The following KCNH5 variants were observed in gnomAD, a reference collection of about 807,000 sequenced individuals.
The protein encoded by KCNH5 is voltage-gated delayed rectifier potassium channel KCNH5.
A neutral mutation model predicts 96.1 loss-of-function variants in KCNH5; 46 were observed. The observed-to-expected ratio is 0.48, with a 90% CI of 0.38 to 0.61. The LOEUF is 0.61. Among genes scored for constraint, KCNH5 ranks in the 20% least tolerant of loss-of-function variants. The pLI is 0.00. For missense variants in KCNH5, 907 were observed against 1,225.8 expected (o/e 0.74, Z 3.88); for synonymous variants, 439 against 449.8 (o/e 0.98, Z 0.30).
At chr14:62,849,580 T>C in intron 8 of KCNH5, 73 bp downstream of exon 8, 1 of 1,206,452 alleles carries the variant, frequency 8.3e-7, no homozygotes, top group Non-Finnish European at 1.2e-6. Context: ...AAGCAATACG[T>C]GACTGGAAAA....
At chr14:62,835,406 T>C (rs776633220) in intron 8 of KCNH5, among the ~76,000 whole-genome samples, 77 of 152,056 alleles carry the variant, frequency 5.1e-4, no homozygotes, top group Non-Finnish European at 8.8e-4. Flanking sequence ...ACTGCTTTTG[T>C]CTCTTATAGG....
chr14:62,789,330 T>A (rs1417745774), intron 9 of KCNH5, among the ~76,000 whole-genome samples: 2 of 152,052 alleles, frequency 1.3e-5, no homozygotes, highest in African/African-American at 4.8e-5. Context: ...AATTCATCCA[T>A]CAATGGATAC....
In KCNH5 at chr14:62,999,655, T is replaced by C. The variant is rs201093004; in HGVS notation, c.433+1676A>G. On this transcript the variant is annotated intron_variant, in intron 4 of 10. Coordinates refer to ENST00000322893, the MANE Select transcript of KCNH5 (RefSeq NM_139318.5). ...GCATGTTCTCACTCATAGATGGGAA[T>C]TGAACAATGAGAACACATGGACACA... is the stretch of plus-strand genomic sequence containing the variant. Among the ~76,000 whole-genome samples the C allele has an allele frequency of 9.4e-3, 1,269 of 135,540 alleles. 70 individuals are homozygous for C. The East Asian group carries it at 0.15, about 16-fold the overall frequency. The allele number at this position is 135,540 out of a possible 152,430, so 88.9% of individuals were successfully genotyped here. A position where few individuals can be genotyped will look rare whatever the true frequency, so the allele number is the denominator to read the frequency against.
At chr14:62,868,733 G>T (rs750086258) in intron 7 of KCNH5, among the ~76,000 whole-genome samples, 1 of 151,990 alleles carries the variant, frequency 6.6e-6, no homozygotes, top group Non-Finnish European at 1.5e-5. Flanking sequence ...TCCCCTCCCT[G>T]TGTCCATGTG....
In KCNH5 at chr14:62,802,470, C is replaced by T. The variant is rs1483226088; in HGVS notation, c.1681G>A (p.Ala561Thr). Reference sequence around the variant, plus strand: ...ATGGTTTGGAACTCTACCGCCAAGGCGCGCAGACACCCATCGCTGGCCAAT... The same window carrying T: ...ATGGTTTGGAACTCTACCGCCAAGGTGCGCAGACACCCATCGCTGGCCAAT... ...FRLASDGCLR[A>T]LAVEFQTIHC... Residue 561 changes from alanine to threonine, a missense_variant, in exon 9 of 11, where the codon GCC (alanine) becomes ACC (threonine). By Grantham distance (58) the Ala-to-Thr change is moderately conservative (BLOSUM62 0). Around this residue, in one of 6 missense-constraint regions of KCNH5, gnomAD observed 95 missense variants for 111.8 expected, o/e 0.85. Coordinates refer to ENST00000322893, the MANE Select transcript of KCNH5 (RefSeq NM_139318.5). 4 of 1,613,994 alleles carry T rather than the reference C, an allele frequency of 2.5e-6. No individual in the cohort carries two copies. The highest frequency in any genetic ancestry group is 1.3e-5 in the African/African-American group (1 of 74,924).
intron 4 of KCNH5, 118 bp downstream of exon 4, chr14:63,001,213 A>C (rs954926181): frequency 1.8e-5 from 15 of 834,310 alleles, no homozygotes; most frequent in Non-Finnish European, 2.6e-5. Context: ...GCAATGAAGC[A>C]AAAGAAAGGC....
chr14:63,041,770 T>C (rs542267964), intron 1 of KCNH5, among the ~76,000 whole-genome samples: 80 of 152,206 alleles, frequency 5.3e-4, no homozygotes, highest in African/African-American at 1.9e-3. Context: ...AGTAACAACT[T>C]GCAATGCTCG....
At chr14:62,768,014 A>C (rs1885901489) in intron 10 of KCNH5, among the ~76,000 whole-genome samples, 1 of 152,148 alleles carries the variant, frequency 6.6e-6, no homozygotes, top group African/African-American at 2.4e-5. Flanking sequence ...ATGTGTGTAC[A>C]TGAACCTAGA....
At chr14:62,739,184 T>C (rs983980241) in intron 10 of KCNH5, among the ~76,000 whole-genome samples, 10 of 152,190 alleles carry the variant, frequency 6.6e-5, no homozygotes, top group African/African-American at 2.2e-4. Flanking sequence ...CATGCTGCCA[T>C]GCCATATTCA....
intron 10 of KCNH5, among the ~76,000 whole-genome samples, chr14:62,778,772 T>C (rs943281074): frequency 6.6e-6 from 1 of 152,224 alleles, no homozygotes; most frequent in Non-Finnish European, 1.5e-5. Context: ...GATGTTCAAG[T>C]ATAGATCAAA....
rs144131398 is a variant in KCNH5 at position 62,747,164 on chromosome 14, T to A, written c.2019+32564A>T. Among the ~76,000 whole-genome samples, 862 of 152,276 alleles carry A rather than the reference T, an allele frequency of 5.7e-3. 9 individuals carry two copies. Among genetic ancestry groups the A allele is most frequent in the African/African-American group, 0.02 (823 of 41,566 alleles). Reference sequence around the variant, plus strand: ...GCCTGGCCAACATGGTGAAGACCCATCTCTACTAAAAATACAAAAAATCAG... The same window carrying A: ...GCCTGGCCAACATGGTGAAGACCCAACTCTACTAAAAATACAAAAAATCAG... On this transcript the variant is annotated intron_variant, in intron 10 of 10. Coordinates refer to ENST00000322893, the MANE Select transcript of KCNH5 (RefSeq NM_139318.5).
At chr14:62,916,429 T>C (rs1219293865) in intron 7 of KCNH5, among the ~76,000 whole-genome samples, 1 of 152,226 alleles carries the variant, frequency 6.6e-6, no homozygotes, top group African/African-American at 2.4e-5. Context: ...GTCAAACAAT[T>C]GGCATCTTCT....
At chr14:62,829,720 T>C (rs1887303263) in intron 8 of KCNH5, among the ~76,000 whole-genome samples, 1 of 152,188 alleles carries the variant, frequency 6.6e-6, no homozygotes, top group African/African-American at 2.4e-5. Flanking sequence ...GCCCTGAAGA[T>C]CTCCGAAATT....
chr14:62,855,592 A>G (rs1176293296), intron 7 of KCNH5, among the ~76,000 whole-genome samples: 1 of 152,244 alleles, frequency 6.6e-6, no homozygotes, highest in Non-Finnish European at 1.5e-5. Context: ...CGTTAATAAC[A>G]CAGAGTGGTT....
chr14:62,718,588 G>A lies in KCNH5; in HGVS notation c.2020-10133C>T, dbSNP rs562592013. ...AGTGTCGGAAGGATGTGGAGAAACT[G>A]GAACCCTCACACATTGCTGGAAGGA... On this transcript the variant is annotated intron_variant, in intron 10 of 10. Transcript: ENST00000322893. Among the ~76,000 whole-genome samples, 5 of 152,242 alleles carry A rather than the reference G, an allele frequency of 3.3e-5. No homozygotes were observed. In the South Asian group the frequency reaches 1.0e-3, roughly 32 times the overall value.
chr14:62,770,618 G>A (rs1186023004), intron 10 of KCNH5, among the ~76,000 whole-genome samples: 2 of 152,068 alleles, frequency 1.3e-5, no homozygotes, highest in South Asian at 2.1e-4. Context: ...TCATGCCTGG[G>A]GACTTTTTTC....
At position 62,750,599 on chromosome 14, in the gene KCNH5, C is replaced by T. The variant is rs533303627; in HGVS notation, c.2019+29129G>A. On this transcript the variant is annotated intron_variant, in intron 10 of 10. Coordinates refer to ENST00000322893, the MANE Select transcript of KCNH5 (RefSeq NM_139318.5). Reference sequence around the variant, plus strand: ...TGACGTCCTCTGCAATGGATTACAGCTACTTCCTTGGGCAGCAAAACAGCA... The same window carrying T: ...TGACGTCCTCTGCAATGGATTACAGTTACTTCCTTGGGCAGCAAAACAGCA... 1.3e-4 allele frequency among the ~76,000 whole-genome samples: 20 copies of T among 152,274 alleles called. 1 individual carries two copies. In the South Asian group the frequency reaches 2.7e-3, roughly 21 times the overall value.
At chr14:62,855,607 A>G (rs956803890) in intron 7 of KCNH5, among the ~76,000 whole-genome samples, 5 of 152,236 alleles carry the variant, frequency 3.3e-5, no homozygotes, top group Non-Finnish European at 5.9e-5. Flanking sequence ...GTGGTTCTCA[A>G]TTGGGCAGAG....
chr14:62,835,897 T>C (rs1887456776), intron 8 of KCNH5, among the ~76,000 whole-genome samples: 1 of 152,088 alleles, frequency 6.6e-6, no homozygotes. Context: ...ATGAAATTCT[T>C]CCTCTGTACA....
Sources: gnomAD v4.1 joint callset for allele counts (sites outside exome capture counted in the v4.1 genomes callset) on GRCh38, gnomAD v4.1.1 for gene constraint, gnomAD v4.1.1 regional missense constraint, MANE v1.5 for transcripts, NCBI Gene and HGNC (gene_info 2026-07-23, HGNC 2026-07-21) for gene names.